RAB3GAP1: variants seen among roughly 807,000 people sequenced by gnomAD.
The protein encoded by RAB3GAP1 is RAB3 GTPase activating protein catalytic subunit 1.
A neutral mutation model predicts 130.7 loss-of-function variants in RAB3GAP1; 86 were observed. The observed-to-expected ratio is 0.66, with a 90% CI of 0.55 to 0.79. RAB3GAP1 has a LOEUF of 0.79. Ranked by LOEUF, RAB3GAP1 falls within the 30% of genes least tolerant of loss-of-function variation. RAB3GAP1 has a pLI of 0.00. For missense variants in RAB3GAP1, 1,029 were observed against 1,169.4 expected (o/e 0.88, Z 1.75); for synonymous variants, 367 against 401.7 (o/e 0.91, Z 1.03).
intron 3 of RAB3GAP1, among the ~76,000 whole-genome samples, chr2:135,085,688 G>A (rs1391425492): frequency 6.6e-6 from 1 of 152,082 alleles, no homozygotes; most frequent in Non-Finnish European, 1.5e-5. Flanking sequence ...AGGAAAAAGA[G>A]CATCTTCCTC....
At chr2:135,117,468 G>GCTTCTGCTT (rs1436556711) in intron 7 of RAB3GAP1, among the ~76,000 whole-genome samples, 3 of 30,720 alleles carry the variant, frequency 9.8e-5, no homozygotes, top group Non-Finnish European at 2.4e-4. Flanking sequence ...TTCTGCTTCT[G>GCTTCTGCTT]CTTCTGCTTC....
At chr2:135,172,591 T>C (rs970815881), downstream of RAB3GAP1, among the ~76,000 whole-genome samples, 1 of 152,134 alleles carries the variant, frequency 6.6e-6, no homozygotes, top group African/African-American at 2.4e-5. Context: ...ATACAGATCT[T>C]GAAGGCAGAA....
chr2:135,057,436 C>T (rs905464010), intron 2 of RAB3GAP1, among the ~76,000 whole-genome samples: 2 of 152,192 alleles, frequency 1.3e-5, no homozygotes, highest in African/African-American at 4.8e-5. Context: ...GAATCTCACT[C>T]TGTCGCCCAG....
chr2:135,083,035 G>C (rs1460667236), intron 3 of RAB3GAP1, among the ~76,000 whole-genome samples: 1 of 151,282 alleles, frequency 6.6e-6, no homozygotes, highest in Non-Finnish European at 1.5e-5. Context: ...TAGGTATACT[G>C]TATTTTTAAA....
rs201120356 is a variant in RAB3GAP1 at position 135,083,630 on chromosome 2, ATT to A, written c.151-7355_151-7354del. On this transcript the variant is annotated intron_variant, in intron 3 of 23. Transcript: ENST00000264158. ...GCATGTACCAACACATTAAAAAAAA[ATT>A]TTTTTTTTTTTTCGGTTAGGGATGG... Among the ~76,000 whole-genome samples, 47 of 141,544 alleles carry A rather than the reference ATT, an allele frequency of 3.3e-4. 1 individual carries two copies. The highest frequency in any genetic ancestry group is 1.1e-3 in the African/African-American group (45 of 39,174). The allele number at this position is 141,544 out of a possible 152,430, so 92.9% of individuals were successfully genotyped here.
chr2:135,112,666 C>A (rs1574121030), intron 5 of RAB3GAP1, among the ~76,000 whole-genome samples: 1 of 152,186 alleles, frequency 6.6e-6, no homozygotes, highest in East Asian at 1.9e-4. Context: ...TTTAAGGAAT[C>A]AGCTGTTGAC....
intron 17 of RAB3GAP1, among the ~76,000 whole-genome samples, chr2:135,146,978 A>G (rs1003868284): frequency 6.6e-6 from 1 of 150,738 alleles, no homozygotes; most frequent in East Asian, 1.9e-4. Context: ...ATAAACACAC[A>G]CACACACACA....
chr2:135,067,345 A>C (rs752727395), intron 3 of RAB3GAP1, among the ~76,000 whole-genome samples: 3 of 152,234 alleles, frequency 2.0e-5, no homozygotes, highest in Non-Finnish European at 4.4e-5. Flanking sequence ...CCTTGTTTGG[A>C]ATGGGACATG....
chr2:135,154,783 AAAG>A (rs1436591450), intron 19 of RAB3GAP1, among the ~76,000 whole-genome samples: 2 of 152,128 alleles, frequency 1.3e-5, no homozygotes, highest in African/African-American at 2.4e-5. Flanking sequence ...TCAGATATAC[AAAG>A]AAGGAGTGGA....
At chr2:135,161,628 C>T (rs1237041928) in intron 19 of RAB3GAP1, among the ~76,000 whole-genome samples, 1 of 151,984 alleles carries the variant, frequency 6.6e-6, no homozygotes, top group East Asian at 1.9e-4. Context: ...ATTTCTAATA[C>T]TCTAGTATGT....
intron 15 of RAB3GAP1, among the ~76,000 whole-genome samples, chr2:135,134,712 T>C (rs907027552): frequency 6.6e-6 from 1 of 152,212 alleles, no homozygotes; most frequent in African/African-American, 2.4e-5. Context: ...TCTCTTGGTT[T>C]TAGACAGTCC....
At chr2:135,164,959 C>T (rs896859842) in intron 23 of RAB3GAP1, among the ~76,000 whole-genome samples, 1 of 152,106 alleles carries the variant, frequency 6.6e-6, no homozygotes, top group African/African-American at 2.4e-5. Context: ...GTTATAGAAG[C>T]TGGCAGGGAG....
intron 3 of RAB3GAP1, among the ~76,000 whole-genome samples, chr2:135,077,054 GA>G (rs1313231343): frequency 6.6e-6 from 1 of 152,168 alleles, no homozygotes; most frequent in Non-Finnish European, 1.5e-5. Flanking sequence ...TGGATCACCT[GA>G]GTTCAGGAGT....
intron 3 of RAB3GAP1, among the ~76,000 whole-genome samples, chr2:135,072,111 G>A (rs533552433): frequency 6.6e-6 from 1 of 152,182 alleles, no homozygotes; most frequent in Non-Finnish European, 1.5e-5. Flanking sequence ...AGGTTTCACT[G>A]TGTTGACCAG....
In RAB3GAP1 at chr2:135,052,505, G is replaced by C; in HGVS notation, c.74+20G>C. 3 of 1,612,854 alleles carry C rather than the reference G, an allele frequency of 1.9e-6. No homozygotes were observed. The highest frequency in any genetic ancestry group is 2.5e-6 in the Non-Finnish European group (3 of 1,179,982). On this transcript the variant is annotated intron_variant, in intron 2 of 23. Coordinates refer to ENST00000264158, the MANE Select transcript of RAB3GAP1 (RefSeq NM_012233.3). ...GGAAAGGTGAGTGAATCGCATTTTTGGTTACCAGCTCCCATGGGCCCTGGC... is the reference window on the plus strand; with the variant it reads ...GGAAAGGTGAGTGAATCGCATTTTTCGTTACCAGCTCCCATGGGCCCTGGC...
intron 3 of RAB3GAP1, among the ~76,000 whole-genome samples, chr2:135,081,349 T>C (rs1468731312): frequency 6.4e-5 from 6 of 93,274 alleles, no homozygotes; most frequent in African/African-American, 2.9e-4. Context: ...TATATATATA[T>C]ATATATATAT....
chr2:135,093,743 C>T (rs762270501), intron 5 of RAB3GAP1, 50 bp downstream of exon 5: 1 of 1,339,582 alleles, frequency 7.5e-7, no homozygotes, highest in African/African-American at 1.4e-5. Flanking sequence ...TTGCGGGGGA[C>T]CTCAACACTG....
At chr2:135,075,671 CT>C (rs1457005662) in intron 3 of RAB3GAP1, among the ~76,000 whole-genome samples, 1 of 134,338 alleles carries the variant, frequency 7.4e-6, no homozygotes, top group East Asian at 2.2e-4. Context: ...TTATATTTGC[CT>C]TTTTTTGGGG....
intron 3 of RAB3GAP1, among the ~76,000 whole-genome samples, chr2:135,074,056 G>T (rs1436493707): frequency 6.6e-6 from 1 of 152,198 alleles, no homozygotes; most frequent in African/African-American, 2.4e-5. Context: ...AACACTAGGT[G>T]AAAGACCCCA....
Sources: gnomAD v4.1 joint callset for allele counts (sites outside exome capture counted in the v4.1 genomes callset) on GRCh38, gnomAD v4.1.1 for gene constraint, MANE v1.5 for transcripts, NCBI Gene and HGNC (gene_info 2026-07-23, HGNC 2026-07-21) for gene names.